Variants in PTDSS2 observed in about 807,000 individuals in gnomAD.
PTDSS2 encodes phosphatidylserine synthase 2.
PTDSS2 carries 41 observed loss-of-function variants against 64.7 expected under a neutral mutation model. That is an observed-to-expected ratio of 0.63 (90% CI 0.49 to 0.82). The LOEUF is 0.82. Among genes scored for constraint, PTDSS2 ranks in the 40% least tolerant of loss-of-function variants. The pLI is 0.00. For synonymous variants in PTDSS2, 297 were observed against 277.8 expected, an observed-to-expected ratio of 1.07 and a Z score of -0.69; for missense variants, 485 against 650.0, an observed-to-expected ratio of 0.75 and a Z score of 2.76.
chr11:488,493 C>T (rs1240550895), intron 7 of PTDSS2, 36 bp from the exon 8 acceptor site: 1 of 1,569,152 alleles, frequency 6.4e-7, no homozygotes, highest in Non-Finnish European at 8.8e-7. Context: ...CTCGTTACCC[C>T]TCACCCCTGC....
chr11:464,544 T>C (rs1304576933), intron 2 of PTDSS2, among the ~76,000 whole-genome samples: 1 of 152,054 alleles, frequency 6.6e-6, no homozygotes, highest in Non-Finnish European at 1.5e-5. Flanking sequence ...GAGAGCAGGG[T>C]CTGTGCTGCC....
rs928164322 is a variant in PTDSS2, at chr11:487,142, C to T, written c.570+69C>T. On this transcript the variant is annotated intron_variant, in intron 5 of 11. Transcript: ENST00000308020. ...GCCCCGTGCCGGACCAGGCGCCATC[C>T]ACGCTCCTGCCTCGCACCCCTCAGC... is the stretch of plus-strand genomic sequence containing the variant. The T allele has an allele frequency of 2.1e-6, 3 of 1,429,654 alleles. No individual in the cohort carries two copies. The African/African-American group carries it at 4.2e-5, about 20-fold the overall frequency. 88.6% of individuals were successfully genotyped at this position (1,429,654 alleles called of 1,614,324 possible). A position where few individuals can be genotyped will look rare whatever the true frequency, so the allele number is the denominator to read the frequency against.
chr11:484,711 G>T, intron 4 of PTDSS2, among the ~76,000 whole-genome samples: 1 of 150,278 alleles, frequency 6.7e-6, no homozygotes, highest in Admixed American at 6.7e-5. Context: ...GCAGGCGAGC[G>T]TAAACAGTGC....
Position 460,460 on chromosome 11 carries a change from T to A in PTDSS2, c.284+172T>A, listed in dbSNP as rs1846825452. 5.1e-6 allele frequency: 3 copies of A among 590,148 alleles called. No homozygotes were observed. The East Asian group carries it at 8.5e-5, about 17-fold the overall frequency. The allele number at this position is 590,148 out of a possible 1,614,324, so 36.6% of individuals were successfully genotyped here. A position where few individuals can be genotyped will look rare whatever the true frequency, so the allele number is the denominator to read the frequency against. On this transcript the variant is annotated intron_variant, in intron 2 of 11. Transcript: ENST00000308020. The surrounding 1 kb of genome is among the most constrained non-coding windows in gnomAD (Gnocchi z 5.8). ...TGATGTGCAGACTCCAGGGCTGCCC[T>A]TGGTGCTGCGTGGCGTTCCCGGTCA...
rs1847954546 is a variant in PTDSS2 at position 479,226 on chromosome 11, G to T, written c.435+74G>T. On this transcript the variant is annotated intron_variant, in intron 4 of 11. Transcript: ENST00000308020. This position sits in a 1 kb window ranked among gnomAD's most constrained non-coding sequence, Gnocchi z 4.2. ...GGCCCCAGGCATGGTGACAAAGGAG[G>T]CCTTGCCCACACAGCCCTCGAGTGA... is the stretch of plus-strand genomic sequence containing the variant. 7.8e-7 allele frequency: 1 copy of T among 1,284,444 alleles called. No homozygotes were observed. The highest frequency in any genetic ancestry group is 1.1e-6 in the Non-Finnish European group (1 of 879,604). 79.6% of individuals were successfully genotyped at this position (1,284,444 alleles called of 1,614,324 possible). A position where few individuals can be genotyped will look rare whatever the true frequency, so the allele number is the denominator to read the frequency against.
chr11:483,680 G>A (rs1027566016), intron 4 of PTDSS2, among the ~76,000 whole-genome samples: 4 of 152,172 alleles, frequency 2.6e-5, no homozygotes, highest in Non-Finnish European at 5.9e-5. Context: ...GTCCCAGGGT[G>A]TGCCTTTTTA....
chr11:483,673 C>T (rs961615076), intron 4 of PTDSS2, among the ~76,000 whole-genome samples: 5 of 152,150 alleles, frequency 3.3e-5, no homozygotes, highest in Non-Finnish European at 7.3e-5. Flanking sequence ...CTGCTGGGTC[C>T]CAGGGTGTGC....
At chr11:466,843 G>C (rs138695591) in intron 2 of PTDSS2, among the ~76,000 whole-genome samples, 2,650 of 152,254 alleles carry the variant, frequency 0.017, 35 homozygotes, top group Middle Eastern at 0.065. Context: ...GATGAGATTT[G>C]GGTGGGGACA....
intron 1 of PTDSS2, among the ~76,000 whole-genome samples, chr11:456,170 CTTTT>C (rs71022912): frequency 8.7e-6 from 1 of 114,888 alleles, no homozygotes; most frequent in Admixed American, 9.8e-5. Context: ...TTCTTTCATT[CTTTT>C]TTTTTTTTTT....
At chr11:484,486 T>C (rs1848205886) in intron 4 of PTDSS2, among the ~76,000 whole-genome samples, 1 of 152,170 alleles carries the variant, frequency 6.6e-6, no homozygotes, top group Non-Finnish European at 1.5e-5. Context: ...TGCAGGCGTC[T>C]GTAAACACAG....
intron 4 of PTDSS2, among the ~76,000 whole-genome samples, chr11:483,445 T>A (rs965831527): frequency 1.3e-5 from 2 of 152,188 alleles, no homozygotes; most frequent in African/African-American, 2.4e-5. Flanking sequence ...GAAGGTTCTG[T>A]GAGTTTTTCG....
At chr11:481,077 C>T (rs1231028297) in intron 4 of PTDSS2, among the ~76,000 whole-genome samples, 5 of 149,650 alleles carry the variant, frequency 3.3e-5, no homozygotes, top group African/African-American at 1.3e-4. Flanking sequence ...GAGCGAGACT[C>T]CGCCTCAAAA....
rs1000723656 is a variant in PTDSS2, at chr11:489,618, C to G, written c.1000C>G (p.Leu334Val). The change falls in exon 10 of 12, where the codon CTG (leucine) becomes GTG (valine). Residue 334 changes from leucine to valine, a missense_variant. Physicochemically the swap from Leu to Val is conservative, Grantham distance 32. Coordinates refer to ENST00000308020, the MANE Select transcript of PTDSS2 (RefSeq NM_030783.3). ...GTTGGCAGAACTGAACACGTTCTACCTGAAGTTTGTGCTGTGGATGCCCCC... is the reference window on the plus strand; with the variant it reads ...GTTGGCAGAACTGAACACGTTCTACGTGAAGTTTGTGCTGTGGATGCCCCC... The part of the protein sequence containing the change: ...FLLAELNTFY[L>V]KFVLWMPPEH... The G allele has an allele frequency of 5.6e-6, 9 of 1,595,506 alleles. No homozygotes were observed. Among genetic ancestry groups the G allele is most frequent in the Admixed American group, 5.3e-5 (3 of 56,596 alleles).
intron 2 of PTDSS2, among the ~76,000 whole-genome samples, chr11:471,395 A>G (rs1725316979): frequency 6.6e-6 from 1 of 152,244 alleles, no homozygotes; most frequent in Non-Finnish European, 1.5e-5. Context: ...GTGCCCGGCA[A>G]GTAATTCTTA....
intron 1 of PTDSS2, chr11:451,452 C>T (rs1275042754): frequency 4.6e-6 from 2 of 439,196 alleles, no homozygotes; most frequent in South Asian, 1.6e-5. Flanking sequence ...GACCTGAAAG[C>T]AGGCTTCGTG....
chr11:479,080 T>C lies in PTDSS2; in HGVS notation c.368-5T>C. On this transcript the variant is annotated splice_region_variant and splice_polypyrimidine_tract_variant and intron_variant, in intron 3 of 11. Coordinates refer to ENST00000308020, the MANE Select transcript of PTDSS2 (RefSeq NM_030783.3). This position sits in a 1 kb window ranked among gnomAD's most constrained non-coding sequence, Gnocchi z 4.2. ...GCACTAACGTTCTGTCGTCTGTCTT[T>C]GTAGCTTACTGGAGGTTTTGGCTCT... 1 of 1,613,940 alleles carries C rather than the reference T, an allele frequency of 6.2e-7. No individual in the cohort carries two copies. Among genetic ancestry groups the C allele is most frequent in the Non-Finnish European group, 8.5e-7 (1 of 1,179,774 alleles).
intron 1 of PTDSS2, among the ~76,000 whole-genome samples, chr11:455,831 C>T (rs929947033): frequency 2.6e-5 from 4 of 152,196 alleles, no homozygotes; most frequent in Non-Finnish European, 5.9e-5. Context: ...GGTTTCTTAG[C>T]TCTCCTGTAT....
intron 2 of PTDSS2, among the ~76,000 whole-genome samples, chr11:465,995 C>T (rs1847122764): frequency 6.6e-6 from 1 of 152,128 alleles, no homozygotes; most frequent in Non-Finnish European, 1.5e-5. Context: ...AAAGGTGAGC[C>T]ACAAGCTGTT....
At position 490,386 on chromosome 11, in the gene PTDSS2, G is replaced by GGGGC. The variant is rs770091360; in HGVS notation, c.1302-33_1302-30dup. ...TGGGGCCTGCAGTGGGGCTGGTGTG[G>GGGGC]GGGCAGGTGGTGACGCTGCATCCCG... On this transcript the variant is annotated intron_variant, in intron 11 of 11. Transcript: ENST00000308020. The GGGGC allele has an allele frequency of 1.4e-5, 23 of 1,612,966 alleles. No individual in the cohort carries two copies. In the South Asian group the frequency reaches 1.8e-4, roughly 12 times the overall value.
Sources: gnomAD v4.1 joint callset for allele counts (sites outside exome capture counted in the v4.1 genomes callset) on GRCh38, gnomAD v4.1.1 for gene constraint, Gnocchi (gnomAD v3.1) non-coding constraint, MANE v1.5 for transcripts, NCBI Gene and HGNC (gene_info 2026-07-23, HGNC 2026-07-21) for gene names.